DCDC1: variants seen among roughly 807,000 people sequenced by gnomAD.
DCDC1 encodes the protein doublecortin domain-containing protein 1.
In DCDC1, 200 loss-of-function variants were observed where a neutral mutation model predicts 178.3. That is an observed-to-expected ratio of 1.12 (90% CI 1.00 to 1.26). The LOEUF is 1.26. DCDC1 is among the 50% of genes most tolerant of loss of function. DCDC1 has a pLI of 0.00. For synonymous variants in DCDC1, 690 were observed against 604.8 expected (o/e 1.14, Z -2.07); for missense variants, 1,983 against 1,749.2 (o/e 1.13, Z -2.38).
chr11:31,218,653 T>TA (rs1289356303), intron 9 of DCDC1, among the ~76,000 whole-genome samples: 1 of 152,140 alleles, frequency 6.6e-6, no homozygotes, highest in Non-Finnish European at 1.5e-5. Context: ...AGGGTCATAA[T>TA]AAAATGTAAC....
Position 30,920,145 on chromosome 11 carries a change from G to C in DCDC1, c.3293+631C>G, listed in dbSNP as rs569957846. Reference sequence around the variant, plus strand: ...GGCGACAGCTTGTCGTTGCTGAGCTGGAGGTTGGAATTCATGTGGCAGAAA... The same window carrying C: ...GGCGACAGCTTGTCGTTGCTGAGCTCGAGGTTGGAATTCATGTGGCAGAAA... On this transcript the variant is annotated intron_variant, in intron 25 of 38. Coordinates refer to ENST00000684477, the MANE Select transcript of DCDC1 (RefSeq NM_001387274.1). 1.5e-3 allele frequency among the ~76,000 whole-genome samples: 225 copies of C among 152,300 alleles called. 1 individual carries two copies. Among genetic ancestry groups the C allele is most frequent in the African/African-American group, 5.1e-3 (210 of 41,576 alleles).
chr11:31,011,830 A>G (rs1367943810), intron 20 of DCDC1, among the ~76,000 whole-genome samples: 1 of 152,232 alleles, frequency 6.6e-6, no homozygotes, highest in Non-Finnish European at 1.5e-5. Context: ...ACATATAGTA[A>G]AATATTATGT....
At chr11:31,230,697 G>A (rs1975653168) in intron 9 of DCDC1, among the ~76,000 whole-genome samples, 1 of 151,978 alleles carries the variant, frequency 6.6e-6, no homozygotes, top group African/African-American at 2.4e-5. Flanking sequence ...TAGAAAACTG[G>A]GTAACCTTTA....
intron 6 of DCDC1, among the ~76,000 whole-genome samples, chr11:31,300,924 G>C (rs186206465): frequency 6.6e-6 from 1 of 152,092 alleles, no homozygotes; most frequent in East Asian, 1.9e-4. Flanking sequence ...CAATGATTTG[G>C]TATTTGACAA....
In DCDC1 at chr11:30,909,111, A is replaced by T; in HGVS notation, c.3753T>A (p.Tyr1251Ter). The change falls in exon 29 of 39, where the codon TAT (tyrosine) becomes TAA (stop). Residue 1251 changes from tyrosine (Y) to a stop codon, truncating the protein, a stop_gained. Transcript: ENST00000684477. LOFTEE classifies it high-confidence loss of function. Reference sequence around the variant, plus strand: ...TGGCAGCTCCATTGTTGTACGGCTTATATTTCTGAAAAAAGAGGCAAAATA... The same window carrying T: ...TGGCAGCTCCATTGTTGTACGGCTTTTATTTCTGAAAAAAGAGGCAAAATA... ...VCGYPVIVQKYKPYNNGAANQ... is the reference protein window; with the variant it reads ...VCGYPVIVQK The T allele has an allele frequency of 6.2e-7, 1 of 1,602,476 alleles. No homozygotes were observed. Among genetic ancestry groups the T allele is most frequent in the Non-Finnish European group, 8.5e-7 (1 of 1,172,166 alleles).
intron 36 of DCDC1, among the ~76,000 whole-genome samples, chr11:30,888,104 AAGAAAGAAAGAAAGAAAG>A (rs1943409861): frequency 3.9e-5 from 4 of 102,244 alleles, no homozygotes; most frequent in African/African-American, 1.2e-4. Context: ...AAGAAAAAGA[AAGAAAGAAAGAAAGAAAG>A]AAAGAAAGAA....
intron 9 of DCDC1, among the ~76,000 whole-genome samples, chr11:31,239,488 G>T (rs1565482884): frequency 6.6e-6 from 1 of 151,916 alleles, no homozygotes; most frequent in East Asian, 1.9e-4. Flanking sequence ...ATAAAATAGA[G>T]CACATCTAAA....
chr11:31,159,829 G>C (rs1966128691), intron 9 of DCDC1, among the ~76,000 whole-genome samples: 1 of 152,196 alleles, frequency 6.6e-6, no homozygotes, highest in Non-Finnish European at 1.5e-5. Context: ...ATGATCCTGT[G>C]TAAGAAGTCT....
chr11:31,001,247 G>A (rs750188534), intron 20 of DCDC1, among the ~76,000 whole-genome samples: 3 of 151,882 alleles, frequency 2.0e-5, no homozygotes, highest in African/African-American at 4.8e-5. Flanking sequence ...TGCTAAAATT[G>A]TCAAGTAAAG....
At chr11:30,914,381 C>T (rs1945672318) in intron 27 of DCDC1, among the ~76,000 whole-genome samples, 1 of 152,226 alleles carries the variant, frequency 6.6e-6, no homozygotes, top group South Asian at 2.1e-4. Flanking sequence ...TGTGCAACCT[C>T]CCTCAAAGTA....
At chr11:31,174,486 TG>T (rs1967722682) in intron 9 of DCDC1, among the ~76,000 whole-genome samples, 1 of 152,106 alleles carries the variant, frequency 6.6e-6, no homozygotes, top group African/African-American at 2.4e-5. Context: ...ATGAACAGTA[TG>T]GGAACCATGA....
In DCDC1 at chr11:30,916,960, T is replaced by A. The variant is rs1241017937; in HGVS notation, c.3362A>T (p.Glu1121Val). The A allele has an allele frequency of 6.2e-7, 1 of 1,611,486 alleles. No homozygotes were observed. ...ATCCTCATCAAAGTCATGTGAAGTT[T>A]CCTGCCAGGCATACCTGGGAAGTGT... ...CHTLPRYAWQ[E>V]TSHDFDEDDS... Residue 1121 changes from glutamate to valine, a missense_variant, in exon 26 of 39, where the codon GAA (glutamate) becomes GTA (valine). Transcript: ENST00000684477.
chr11:31,204,816 C>T (rs1270685403), intron 9 of DCDC1, among the ~76,000 whole-genome samples: 1 of 152,084 alleles, frequency 6.6e-6, no homozygotes, highest in African/African-American at 2.4e-5. Context: ...AGCAAGACTC[C>T]ATCTCAAAAA....
intron 38 of DCDC1, among the ~76,000 whole-genome samples, chr11:30,873,038 G>A (rs747363436): frequency 6.7e-6 from 1 of 149,580 alleles, no homozygotes; most frequent in East Asian, 2.0e-4. Flanking sequence ...ATATATTCAT[G>A]CATATACCAT....
intron 20 of DCDC1, among the ~76,000 whole-genome samples, chr11:30,953,700 A>G (rs1165393959): frequency 3.3e-5 from 5 of 152,184 alleles, no homozygotes; most frequent in African/African-American, 1.2e-4. Flanking sequence ...CAAATATTAG[A>G]ATGCCATGTG....
chr11:31,086,286 C>T (rs1221004720), intron 17 of DCDC1, among the ~76,000 whole-genome samples: 1 of 152,112 alleles, frequency 6.6e-6, no homozygotes, highest in Non-Finnish European at 1.5e-5. Context: ...ATTAGACATT[C>T]TAACAAATAT....
rs1949755187 is a variant in DCDC1, at chr11:31,328,268, C to T, written c.13G>A (p.Gly5Arg). MAKT[G>R]AEDHREALSQ... ...AGTGCTTCTCTGTGATCTTCTGCTCCTGTTTTTGCCATTTTCAGCTAAAAA... is the reference window on the plus strand; with the variant it reads ...AGTGCTTCTCTGTGATCTTCTGCTCTTGTTTTTGCCATTTTCAGCTAAAAA... The change falls in exon 3 of 39, where the codon GGA becomes AGA. Residue 5 changes from glycine (G) to arginine (R), a missense_variant. Gly to Arg is a moderately radical substitution (Grantham distance 125). Transcript: ENST00000684477. The T allele has an allele frequency of 5.1e-6, 8 of 1,558,848 alleles. No individual in the cohort carries two copies. The highest frequency in any genetic ancestry group is 7.0e-6 in the Non-Finnish European group (8 of 1,149,510).
chr11:31,338,202 C>T (rs977436302), intron 1 of DCDC1, among the ~76,000 whole-genome samples: 1 of 152,170 alleles, frequency 6.6e-6, no homozygotes, highest in African/African-American at 2.4e-5. Context: ...GAATTGATAA[C>T]CACTATAAAC....
At chr11:31,010,420 T>C (rs1565179542) in intron 20 of DCDC1, among the ~76,000 whole-genome samples, 2 of 152,198 alleles carry the variant, frequency 1.3e-5, no homozygotes, top group Non-Finnish European at 2.9e-5. Flanking sequence ...CTATATGACC[T>C]CTCCGCAGGC....
Sources: allele counts gnomAD v4.1 joint callset (sites outside exome capture counted in the v4.1 genomes callset), GRCh38; gene constraint gnomAD v4.1.1; transcripts MANE v1.5; gene names NCBI Gene and HGNC (gene_info 2026-07-23, HGNC 2026-07-21).